FGF7: variants seen among roughly 807,000 people sequenced by gnomAD.
The protein encoded by FGF7 is FGF-7.
Under a neutral mutation model 20.5 loss-of-function variants are expected in FGF7, and 6 were observed. The observed-to-expected ratio is 0.29, with a 90% CI of 0.16 to 0.58. The LOEUF (loss-of-function observed/expected upper bound fraction) is 0.58, where lower values mean the gene tolerates loss of function less well. Among genes scored for constraint, FGF7 ranks in the 20% least tolerant of loss-of-function variants. The probability of loss-of-function intolerance (pLI) is 0.90; values close to 1 mark genes in which losing one functional copy is unlikely to be tolerated. For synonymous variants in FGF7, 64 were observed against 74.7 expected (o/e 0.86, Z 0.74); for missense variants, 144 against 228.8 (o/e 0.63, Z 2.39).
At chr15:49,428,486 G>A (rs2050315527) in intron 2 of FGF7, among the ~76,000 whole-genome samples, 1 of 152,084 alleles carries the variant, frequency 6.6e-6, no homozygotes. Flanking sequence ...CAAGATCAGA[G>A]GGTGAATTTA....
At chr15:49,449,336 A>G (rs1322517344) in intron 2 of FGF7, among the ~76,000 whole-genome samples, 2 of 152,036 alleles carry the variant, frequency 1.3e-5, no homozygotes, top group Non-Finnish European at 2.9e-5. Context: ...TATACCTACA[A>G]ATTGTCCTCT....
chr15:49,440,657 T>TG (rs1333178656), intron 2 of FGF7, among the ~76,000 whole-genome samples: 2 of 151,712 alleles, frequency 1.3e-5, no homozygotes, highest in East Asian at 3.9e-4. Flanking sequence ...GCACAGTGCT[T>TG]GGTGCTTTAC....
chr15:49,476,937 G>A (rs36114417), intron 2 of FGF7, among the ~76,000 whole-genome samples: 7,909 of 152,106 alleles, frequency 0.052, 354 homozygotes, highest in East Asian at 0.23. Flanking sequence ...GCGGGTGCCT[G>A]TAGTCCCAGC....
chr15:49,465,546 T>C (rs987794435), intron 2 of FGF7, among the ~76,000 whole-genome samples: 3 of 152,050 alleles, frequency 2.0e-5, no homozygotes, highest in Admixed American at 6.6e-5. Context: ...GAGTGTTGCA[T>C]GTTGAAAATA....
At chr15:49,480,222 T>C (rs2055805228) in intron 2 of FGF7, among the ~76,000 whole-genome samples, 1 of 152,180 alleles carries the variant, frequency 6.6e-6, no homozygotes, top group East Asian at 1.9e-4. Context: ...CAGTTAAACG[T>C]AGAATCTTTA....
intron 2 of FGF7, 64 bp from the exon 3 acceptor site, chr15:49,483,087 C>T (rs2056096293): frequency 9.3e-6 from 8 of 862,356 alleles, no homozygotes; most frequent in Non-Finnish European, 1.4e-5. Context: ...GAACAAATGG[C>T]CATTCGTGGA....
chr15:49,427,805 C>T (rs1484065694), intron 2 of FGF7, among the ~76,000 whole-genome samples: 1 of 151,810 alleles, frequency 6.6e-6, no homozygotes, highest in Non-Finnish European at 1.5e-5. Context: ...ATTCTGCTTC[C>T]ACAATGTTTT....
At chr15:49,479,611 T>G (rs1482420629) in intron 2 of FGF7, among the ~76,000 whole-genome samples, 3 of 134,274 alleles carry the variant, frequency 2.2e-5, no homozygotes, top group East Asian at 2.1e-4. Flanking sequence ...TTTTTTTTTT[T>G]TTTTTTTTTT....
intron 2 of FGF7, among the ~76,000 whole-genome samples, chr15:49,454,934 G>A (rs909993492): frequency 2.4e-4 from 37 of 152,090 alleles, no homozygotes; most frequent in African/African-American, 8.4e-4. Context: ...AGCACTCTCT[G>A]CAGGCCTTCA....
chr15:49,452,214 G>C (rs1567302536), intron 2 of FGF7, among the ~76,000 whole-genome samples: 1 of 151,872 alleles, frequency 6.6e-6, no homozygotes, highest in Non-Finnish European at 1.5e-5. Context: ...GCTAATTTTT[G>C]TATTTTTAGT....
rs77711525 is a variant in FGF7, at chr15:49,470,143, T to C, written c.287-13008T>C. ...GGTATTATGATCAAAGCGTGGAAAATGATGGAATTCTAAAATGTTACTGTA... is the reference window on the plus strand; with the variant it reads ...GGTATTATGATCAAAGCGTGGAAAACGATGGAATTCTAAAATGTTACTGTA... On this transcript the variant is annotated intron_variant, in intron 2 of 3. Coordinates refer to ENST00000267843, the MANE Select transcript of FGF7 (RefSeq NM_002009.4). Among the ~76,000 whole-genome samples, 19 of 152,172 alleles carry C rather than the reference T, an allele frequency of 1.2e-4. No individual in the cohort carries two copies. The East Asian group carries it at 3.5e-3, about 28-fold the overall frequency.
At chr15:49,471,973 T>C (rs2054817397) in intron 2 of FGF7, among the ~76,000 whole-genome samples, 1 of 151,266 alleles carries the variant, frequency 6.6e-6, no homozygotes, top group Non-Finnish European at 1.5e-5. Context: ...ACAGCACAGG[T>C]GTTGTTTTCA....
At chr15:49,481,489 T>C (rs1470722301) in intron 2 of FGF7, among the ~76,000 whole-genome samples, 17 of 152,342 alleles carry the variant, frequency 1.1e-4, no homozygotes, top group Middle Eastern at 3.4e-3. Context: ...TAGCATAGAA[T>C]TGGCTCTCAG....
In FGF7 at chr15:49,485,832, A is replaced by T. The variant is rs1252387929; in HGVS notation, c.*1328A>T. The T allele has an allele frequency of 1.3e-5, 2 of 152,130 alleles. No homozygotes were observed. The highest frequency in any genetic ancestry group is 2.9e-5 in the Non-Finnish European group (2 of 67,966). The allele number at this position is 152,130 out of a possible 1,614,324, so 9.4% of individuals were successfully genotyped here. A position where few individuals can be genotyped will look rare whatever the true frequency, so the allele number is the denominator to read the frequency against. On this transcript the variant is annotated 3_prime_UTR_variant, in exon 4 of 4. Transcript: ENST00000267843. ...AAAATATCATATTTTAAAACTATGT[A>T]TATTTAAATTTAGTAATTTTCTAAT...
chr15:49,447,308 CTT>C (rs900303724), intron 2 of FGF7, among the ~76,000 whole-genome samples: 18 of 151,694 alleles, frequency 1.2e-4, no homozygotes, highest in Admixed American at 4.0e-4. Context: ...AAAATACTCT[CTT>C]ATCACTTTGA....
intron 2 of FGF7, among the ~76,000 whole-genome samples, chr15:49,448,314 C>T (rs1295656614): frequency 6.6e-6 from 1 of 151,320 alleles, no homozygotes; most frequent in Admixed American, 6.6e-5. Flanking sequence ...CTTTTCTTTT[C>T]CTTATTCTTT....
intron 2 of FGF7, among the ~76,000 whole-genome samples, chr15:49,439,711 G>C (rs1034373317): frequency 6.6e-6 from 1 of 151,638 alleles, no homozygotes; most frequent in Non-Finnish European, 1.5e-5. Context: ...GAGGAACGTG[G>C]CTCTCTTCTC....
chr15:49,435,339 A>T (rs780061687), intron 2 of FGF7, among the ~76,000 whole-genome samples: 1 of 151,572 alleles, frequency 6.6e-6, no homozygotes, highest in Non-Finnish European at 1.5e-5. Flanking sequence ...AAAATTATGA[A>T]GGTTATCTAC....
rs568744006 is a variant in FGF7, at chr15:49,488,183, G to C, written c.*3679G>C. The C allele has an allele frequency of 3.3e-5, 5 of 151,908 alleles. No homozygotes were observed. The highest frequency in any genetic ancestry group is 1.2e-4 in the African/African-American group (5 of 41,454). 9.4% of individuals were successfully genotyped at this position (151,908 alleles called of 1,614,324 possible). ...AGAGTTGGGAAAATATCTATTAACT[G>C]GTCTCTCTGGTTTGAATTCTCAATA... On this transcript the variant is annotated 3_prime_UTR_variant, in exon 4 of 4. Transcript: ENST00000267843.
Sources: allele counts gnomAD v4.1 joint callset (sites outside exome capture counted in the v4.1 genomes callset), GRCh38; gene constraint gnomAD v4.1.1; transcripts MANE v1.5; gene names NCBI Gene and HGNC (gene_info 2026-07-23, HGNC 2026-07-21).